SVEP1: variants seen among roughly 807,000 people sequenced by gnomAD.
SVEP1 encodes sushi, von Willebrand factor type A, EGF and pentraxin domain containing 1, also known as sushi, von Willebrand factor type A, EGF and pentraxin domain-containing protein 1.
A neutral mutation model predicts 367.3 loss-of-function variants in SVEP1; 164 were observed. The observed-to-expected ratio is 0.45, with a 90% confidence interval of 0.39 to 0.51. The LOEUF (loss-of-function observed/expected upper bound fraction) is 0.51, where lower values mean the gene tolerates loss of function less well. Ranked by LOEUF, SVEP1 falls within the 20% of genes least tolerant of loss-of-function variation. The pLI, the probability that SVEP1 is intolerant of heterozygous loss-of-function variation, is 0.00. For missense variants in SVEP1, 4,117 were observed against 4,425.3 expected (o/e 0.93, Z 1.98); for synonymous variants, 1,666 against 1,611.6 (o/e 1.03, Z -0.81).
chr9:110,387,628 T>C (rs1255126829), intron 41 of SVEP1, among the ~76,000 whole-genome samples, 170 bp from the exon 42 acceptor site: 2 of 152,202 alleles, frequency 1.3e-5, no homozygotes, highest in Non-Finnish European at 2.9e-5. Context: ...ACCTAAGTAT[T>C]GGATTAATAC....
rs1827965244 is a variant in SVEP1, at chr9:110,406,959, C to T, written c.8641G>A (p.Gly2881Arg). 1 of 1,613,944 alleles carries T rather than the reference C, an allele frequency of 6.2e-7. No homozygotes were observed. Among genetic ancestry groups the T allele is most frequent in the Non-Finnish European group, 8.5e-7 (1 of 1,179,874 alleles). ...RVCLANGSWS[G>R]ATPDCVPVRC... The stretch of plus-strand genomic sequence containing the variant: ...ACAGGCACACAGTCGGGAGTGGCTC[C>T]ACTCCAACTTCCATTGGCAAGACAA... The change falls in exon 38 of 48, where the codon GGA becomes AGA. Residue 2881 changes from glycine to arginine, a missense_variant. Transcript: ENST00000374469.
intron 1 of SVEP1, among the ~76,000 whole-genome samples, chr9:110,577,291 G>T (rs1830638710): frequency 6.6e-6 from 1 of 152,050 alleles, no homozygotes; most frequent in African/African-American, 2.4e-5. Flanking sequence ...ATACAAATGA[G>T]ATAGAGAATG....
At chr9:110,396,400 A>G (rs1194914523) in intron 40 of SVEP1, among the ~76,000 whole-genome samples, 5 of 152,204 alleles carry the variant, frequency 3.3e-5, no homozygotes, top group Non-Finnish European at 7.3e-5. Flanking sequence ...AAAGTAGGAA[A>G]GATCTAAAAT....
chr9:110,434,440 G>A lies in SVEP1; in HGVS notation c.4955C>T (p.Ser1652Phe). ...RTASEDLKPG[S>F]KVNLFCDPGF... ...TGGATCACAGAACAGATTGACTTTG[G>A]AACCTGGCTTTAAATCTTCAGATGC... Residue 1652 changes from serine (S) to phenylalanine (F), a missense_variant, in exon 30 of 48, where the codon TCC becomes TTC. Transcript: ENST00000374469. 1 of 1,613,524 alleles carries A rather than the reference G, an allele frequency of 6.2e-7. No individual in the cohort carries two copies.
At chr9:110,472,009 G>A in intron 15 of SVEP1, 150 bp downstream of exon 15, 3 of 831,328 alleles carry the variant, frequency 3.6e-6, no homozygotes, top group Middle Eastern at 7.4e-4. Flanking sequence ...GACAGCAAAA[G>A]ATGACAAGGC....
chr9:110,396,635 A>G (rs1456246962), intron 40 of SVEP1, among the ~76,000 whole-genome samples: 1 of 148,294 alleles, frequency 6.7e-6, no homozygotes, highest in Non-Finnish European at 1.5e-5. Context: ...AGAATCAAAT[A>G]GACACAATAA....
At chr9:110,414,524 G>C (rs375085189) in intron 36 of SVEP1, among the ~76,000 whole-genome samples, 1 of 152,032 alleles carries the variant, frequency 6.6e-6, no homozygotes, top group Non-Finnish European at 1.5e-5. Flanking sequence ...TGGAATAATA[G>C]CCTATCAATA....
chr9:110,564,891 A>G (rs989780367), intron 1 of SVEP1, among the ~76,000 whole-genome samples: 4 of 152,016 alleles, frequency 2.6e-5, no homozygotes, highest in Admixed American at 6.6e-5. Context: ...ATTATTTTGA[A>G]TAAAATGTAG....
rs1830165066 is a variant in SVEP1 at position 110,542,593 on chromosome 9, A to G, written c.964+3522T>C. Among the ~76,000 whole-genome samples the G allele has an allele frequency of 5.3e-5, 8 of 152,308 alleles. No homozygotes were observed. The South Asian group carries it at 1.7e-3, about 32-fold the overall frequency. On this transcript the variant is annotated intron_variant, in intron 3 of 47. Coordinates refer to ENST00000374469, the MANE Select transcript of SVEP1 (RefSeq NM_153366.4). ...TGGACATTTAAAAATAAAATTTAAT[A>G]ACACATAACATTGTTGGCAATTACA...
At chr9:110,403,671 T>A (rs1298349586) in intron 39 of SVEP1, among the ~76,000 whole-genome samples, 4 of 152,074 alleles carry the variant, frequency 2.6e-5, no homozygotes, top group African/African-American at 7.2e-5. Context: ...TATAATAAGA[T>A]TTCATGACAA....
intron 22 of SVEP1, 97 bp from the exon 23 acceptor site, chr9:110,451,499 A>C: frequency 1.4e-6 from 1 of 737,198 alleles, no homozygotes; most frequent in Admixed American, 2.9e-5. Context: ...GAATAGGGAA[A>C]TTGGAAATCA....
At position 110,472,382 on chromosome 9, in the gene SVEP1, G is replaced by A. The variant is rs910752602; in HGVS notation, c.2600-59C>T. On this transcript the variant is annotated intron_variant, in intron 14 of 47. Transcript: ENST00000374469. ...ACAGTTGCTTTTTCGTCAGCGTTCA[G>A]GTTCTAATGTTAAGCCACAAGTGAA... The A allele has an allele frequency of 5.4e-6, 8 of 1,477,256 alleles. No individual in the cohort carries two copies. In the African/African-American group the frequency reaches 5.7e-5, roughly 10 times the overall value. 91.5% of individuals were successfully genotyped at this position (1,477,256 alleles called of 1,614,324 possible).
intron 34 of SVEP1, among the ~76,000 whole-genome samples, chr9:110,429,617 G>C (rs1828319356): frequency 6.6e-6 from 1 of 152,020 alleles, no homozygotes; most frequent in African/African-American, 2.4e-5. Context: ...GAGTGGTGTG[G>C]TCTAGTCTGT....
chr9:110,404,678 A>C (rs1187431072), intron 38 of SVEP1, 126 bp from the exon 39 acceptor site: 1 of 852,656 alleles, frequency 1.2e-6, no homozygotes, highest in Non-Finnish European at 1.9e-6. Context: ...ATTGTTGCAC[A>C]ATCAATATGT....
chr9:110,451,241 T>C (rs1564146575), intron 23 of SVEP1, 48 bp downstream of exon 23: 1 of 1,441,692 alleles, frequency 6.9e-7, no homozygotes, highest in East Asian at 2.3e-5. Flanking sequence ...TAATTTGTGG[T>C]GGTTTACAAG....
chr9:110,506,214 A>G (rs899668988), intron 5 of SVEP1, among the ~76,000 whole-genome samples: 1 of 152,124 alleles, frequency 6.6e-6, no homozygotes, highest in Admixed American at 6.5e-5. Flanking sequence ...TATCCAGTCT[A>G]TCATTAATGG....
intron 43 of SVEP1, among the ~76,000 whole-genome samples, 166 bp downstream of exon 43, chr9:110,385,732 T>C (rs1203320489): frequency 6.6e-6 from 1 of 152,218 alleles, no homozygotes; most frequent in Non-Finnish European, 1.5e-5. Flanking sequence ...ATGTTTGAAA[T>C]TCAAAGATTA....
At position 110,367,435 on chromosome 9, in the gene SVEP1, G is replaced by A. The variant is rs567556715; in HGVS notation, c.10695-875C>T. On this transcript the variant is annotated intron_variant, in intron 47 of 47. Coordinates refer to ENST00000374469, the MANE Select transcript of SVEP1 (RefSeq NM_153366.4). ...TGCTGCCTTGGCTTCCCAAATTGCT[G>A]GGATTACAGGTGTGAGCCATCACAC... 2.6e-5 allele frequency among the ~76,000 whole-genome samples: 4 copies of A among 152,208 alleles called. No homozygotes were observed. In the East Asian group the frequency reaches 5.8e-4, roughly 22 times the overall value.
Position 110,406,952 on chromosome 9 carries a change from G to T in SVEP1, c.8648C>A (p.Thr2883Asn), listed in dbSNP as rs1322599341. 1 of 1,613,924 alleles carries T rather than the reference G, an allele frequency of 6.2e-7. No individual in the cohort carries two copies. The highest frequency in any genetic ancestry group is 1.7e-5 in the Admixed American group (1 of 60,024). The change falls in exon 38 of 48, where the codon ACT becomes AAT. Residue 2883 changes from threonine to asparagine, a missense_variant. By Grantham distance (65) the Thr-to-Asn change is moderately conservative (BLOSUM62 0). Coordinates refer to ENST00000374469, the MANE Select transcript of SVEP1 (RefSeq NM_153366.4). ...CLANGSWSGA[T>N]PDCVPVRCAT... ...ACATCTGACAGGCACACAGTCGGGAGTGGCTCCACTCCAACTTCCATTGGC... is the reference window on the plus strand; with the variant it reads ...ACATCTGACAGGCACACAGTCGGGATTGGCTCCACTCCAACTTCCATTGGC...
Sources: allele counts gnomAD v4.1 joint callset (sites outside exome capture counted in the v4.1 genomes callset), GRCh38; gene constraint gnomAD v4.1.1; transcripts MANE v1.5; gene names NCBI Gene and HGNC (gene_info 2026-07-23, HGNC 2026-07-21).